The following ELF1 variants were observed in gnomAD, a reference collection of about 807,000 sequenced individuals.
ELF1 encodes E74 like ETS transcription factor 1, also known as ETS-related transcription factor Elf-1.
ELF1 carries 24 observed loss-of-function variants against 59.9 expected under a neutral mutation model. The observed-to-expected ratio is 0.40, with a 90% CI of 0.29 to 0.56. The LOEUF (loss-of-function observed/expected upper bound fraction) is 0.56. ELF1 is among the 20% of genes least tolerant of loss of function. The pLI, the probability that ELF1 is intolerant of heterozygous loss-of-function variation, is 0.44. For missense variants in ELF1, 627 were observed against 742.2 expected (o/e 0.84, Z 1.80); for synonymous variants, 248 against 266.2 (o/e 0.93, Z 0.67).
chr13:40,944,203 A>G (rs1870364134), intron 5 of ELF1, among the ~76,000 whole-genome samples: 1 of 152,238 alleles, frequency 6.6e-6, no homozygotes. Flanking sequence ...TTAAATTACT[A>G]TAGCTTGCCT....
At chr13:40,979,072 T>G (rs1873098639) in intron 2 of ELF1, among the ~76,000 whole-genome samples, 1 of 151,962 alleles carries the variant, frequency 6.6e-6, no homozygotes, top group Non-Finnish European at 1.5e-5. Flanking sequence ...TCCCTCTTTA[T>G]GTCCACGTAA....
intron 8 of ELF1, among the ~76,000 whole-genome samples, chr13:40,935,675 ATT>A (rs35559263): frequency 1.3e-3 from 176 of 138,080 alleles, no homozygotes; most frequent in Admixed American, 1.3e-3. Context: ...GCCAGATACC[ATT>A]TTTTTTTTTT....
intron 1 of ELF1, among the ~76,000 whole-genome samples, chr13:41,056,950 A>G (rs1441084826): frequency 1.3e-5 from 2 of 152,114 alleles, no homozygotes; most frequent in African/African-American, 4.8e-5. Flanking sequence ...GCAAAAAGGA[A>G]GCCTACGTAG....
At chr13:40,983,357 T>C (rs1055103753) in intron 1 of ELF1, among the ~76,000 whole-genome samples, 1 of 152,206 alleles carries the variant, frequency 6.6e-6, no homozygotes, top group African/African-American at 2.4e-5. Flanking sequence ...GCTGATCTAG[T>C]GAATCAGTTT....
At chr13:41,016,961 T>A (rs1267742716) in intron 1 of ELF1, among the ~76,000 whole-genome samples, 3 of 106,154 alleles carry the variant, frequency 2.8e-5, no homozygotes, top group African/African-American at 3.8e-5. Context: ...TATATATATA[T>A]ATATATATAT....
intron 2 of ELF1, among the ~76,000 whole-genome samples, chr13:40,977,139 C>A (rs1872961958): frequency 1.3e-5 from 2 of 151,982 alleles, no homozygotes; most frequent in Admixed American, 1.3e-4. Flanking sequence ...GCCGGCTGTT[C>A]TTCATTAAAT....
chr13:40,943,066 G>A lies in ELF1; in HGVS notation c.692C>T (p.Thr231Ile). The change falls in exon 7 of 9, where the codon ACC becomes ATC. Residue 231 changes from threonine to isoleucine, a missense_variant. Physicochemically the swap from Thr to Ile is moderately conservative, Grantham distance 89. Around this residue, in one of 3 missense-constraint regions of ELF1, gnomAD observed 34 missense variants for 76.8 expected, o/e 0.44. Coordinates refer to ENST00000239882, the MANE Select transcript of ELF1 (RefSeq NM_172373.4). ...KATCPKYIKW[T>I]QREKGIFKLV... ...TTTAAAAATGCCTTTCTCTCGCTGG[G>A]TCCACTTGATGTATTTAGGACAAGT... 6.2e-7 allele frequency: 1 copy of A among 1,612,854 alleles called. No individual in the cohort carries two copies. Among genetic ancestry groups the A allele is most frequent in the Non-Finnish European group, 8.5e-7 (1 of 1,179,282 alleles).
Position 41,041,475 on chromosome 13 carries a change from C to T in ELF1, c.-229+19363G>A, listed in dbSNP as rs74665458. ...AGGAAAATCACTGGAGCTGAGGAGA[C>T]CAGCCTGGGCAACATGGAGAAACCT... On this transcript the variant is annotated intron_variant, in intron 1 of 1. Transcript: ENST00000405737. Among the ~76,000 whole-genome samples, 326 of 152,120 alleles carry T rather than the reference C, an allele frequency of 2.1e-3. 2 individuals are homozygous for T. The highest frequency in any genetic ancestry group is 7.6e-3 in the African/African-American group (315 of 41,512).
intron 1 of ELF1, among the ~76,000 whole-genome samples, chr13:41,054,816 C>T (rs1877226647): frequency 6.6e-6 from 1 of 152,180 alleles, no homozygotes. Flanking sequence ...CTTCCATCCA[C>T]CAGTTCAACC....
exon 1 of ELF1, chr13:41,061,166 G>A (rs114686171): frequency 5.0e-6 from 1 of 198,282 alleles, no homozygotes; most frequent in African/African-American, 2.3e-5. Flanking sequence ...GTCAAAGTGC[G>A]TGCGGAGTAG....
intron 8 of ELF1, 89 bp from the exon 9 acceptor site, chr13:40,934,117 C>T: frequency 4.7e-6 from 7 of 1,485,250 alleles, no homozygotes; most frequent in Non-Finnish European, 6.3e-6. Flanking sequence ...TTACAAAATA[C>T]CAGTTATGTG....
chr13:41,056,427 G>C (rs1469381186), intron 1 of ELF1, among the ~76,000 whole-genome samples: 1 of 152,158 alleles, frequency 6.6e-6, no homozygotes, highest in Non-Finnish European at 1.5e-5. Flanking sequence ...TATGAATAAT[G>C]CTGCTATAAA....
At chr13:40,973,437 T>G (rs781103319) in intron 2 of ELF1, among the ~76,000 whole-genome samples, 1 of 152,214 alleles carries the variant, frequency 6.6e-6, no homozygotes. Context: ...CTAAATATGT[T>G]GAAAATGACC....
At chr13:41,048,898 CA>C (rs1381542342) in intron 1 of ELF1, among the ~76,000 whole-genome samples, 1 of 152,138 alleles carries the variant, frequency 6.6e-6, no homozygotes, top group Non-Finnish European at 1.5e-5. Context: ...ATCTCCCGCT[CA>C]TTCTTCAACC....
chr13:41,036,473 T>A (rs1876385013), intron 1 of ELF1, among the ~76,000 whole-genome samples: 1 of 152,216 alleles, frequency 6.6e-6, no homozygotes, highest in African/African-American at 2.4e-5. Flanking sequence ...AACTTAAAAG[T>A]GGAGAAATAG....
At chr13:41,060,955 C>CCGCCGCCGCCGCCGCCGCCGCCGCCGCCG (rs1445082763) in exon 1 of ELF1, 1 of 354,008 alleles carries the variant, frequency 2.8e-6, no homozygotes, top group South Asian at 2.2e-5. Flanking sequence ...GCTGCTGCTG[C>CCGCCGCCGCCGCCGCCGCCGCCGCCGCCG]CCACACGCTC....
chr13:40,984,767 C>G (rs1873465156), intron 1 of ELF1, among the ~76,000 whole-genome samples: 2 of 152,166 alleles, frequency 1.3e-5, no homozygotes, highest in Non-Finnish European at 2.9e-5. Flanking sequence ...AAGGCTATTT[C>G]AAAACCCATT....
intron 1 of ELF1, among the ~76,000 whole-genome samples, chr13:41,010,071 G>A (rs1337645587): frequency 6.7e-6 from 1 of 149,068 alleles, no homozygotes; most frequent in Non-Finnish European, 1.5e-5. Context: ...AAAACTCCCT[G>A]GGATTTTTTT....
At chr13:40,973,185 A>G (rs779835295) in intron 2 of ELF1, among the ~76,000 whole-genome samples, 32 of 152,310 alleles carry the variant, frequency 2.1e-4, no homozygotes, top group Non-Finnish European at 2.8e-4. Context: ...CCTAACTTTA[A>G]TCTTCGCATC....
Sources: gnomAD v4.1 joint callset for allele counts (sites outside exome capture counted in the v4.1 genomes callset) on GRCh38, gnomAD v4.1.1 for gene constraint, gnomAD v4.1.1 regional missense constraint, MANE v1.5 for transcripts, NCBI Gene and HGNC (gene_info 2026-07-23, HGNC 2026-07-21) for gene names.